Variants in CRIM1 observed in about 807,000 individuals in gnomAD.
CRIM1 encodes cysteine rich transmembrane BMP regulator 1, also known as cysteine-rich motor neuron 1 protein.
Under a neutral mutation model 116.4 loss-of-function variants are expected in CRIM1, and 32 were observed. That is an observed-to-expected ratio of 0.27 (90% confidence interval 0.21 to 0.37). CRIM1 has a LOEUF of 0.37. Ranked by LOEUF, CRIM1 falls within the 10% of genes least tolerant of loss-of-function variation. The pLI is 1.00. For missense variants in CRIM1, 1,331 were observed against 1,354.8 expected (o/e 0.98, Z 0.28); for synonymous variants, 590 against 509.2 (o/e 1.16, Z -2.13).
At chr2:36,428,813 A>G (rs1674651689) in intron 2 of CRIM1, among the ~76,000 whole-genome samples, 1 of 152,188 alleles carries the variant, frequency 6.6e-6, no homozygotes, top group Non-Finnish European at 1.5e-5. Context: ...GTCTTAGGAA[A>G]CTTGTTGCAG....
chr2:36,544,642 G>T lies in CRIM1; in HGVS notation c.2746+144G>T, dbSNP rs565525400. The stretch of plus-strand genomic sequence containing the variant: ...TAACTATTCCCGGGCAGACCTGCTT[G>T]GCTGAAACATATTTACACCACACAT... On this transcript the variant is annotated intron_variant, in intron 15 of 16. Coordinates refer to ENST00000280527, the MANE Select transcript of CRIM1 (RefSeq NM_016441.3). 1.8e-4 allele frequency: 154 copies of T among 851,792 alleles called. 1 individual carries two copies. The African/African-American group carries it at 2.4e-3, about 13-fold the overall frequency. 52.8% of individuals were successfully genotyped at this position (851,792 alleles called of 1,614,324 possible). A position where few individuals can be genotyped will look rare whatever the true frequency, so the allele number is the denominator to read the frequency against.
intron 2 of CRIM1, among the ~76,000 whole-genome samples, chr2:36,400,464 G>A (rs1041618329): frequency 6.6e-6 from 1 of 152,110 alleles, no homozygotes; most frequent in Non-Finnish European, 1.5e-5. Flanking sequence ...AGGTTCTGCA[G>A]GTAAATGCCA....
intron 5 of CRIM1, among the ~76,000 whole-genome samples, chr2:36,474,441 T>G (rs900703950): frequency 6.6e-6 from 1 of 152,238 alleles, no homozygotes; most frequent in Non-Finnish European, 1.5e-5. Flanking sequence ...CTAAGAGCAC[T>G]GTAGGTGTAG....
intron 12 of CRIM1, among the ~76,000 whole-genome samples, chr2:36,521,875 A>G (rs549308615): frequency 6.6e-6 from 1 of 152,350 alleles, no homozygotes; most frequent in Non-Finnish European, 1.5e-5. Context: ...TATATAAACA[A>G]CTAACAGAAT....
At chr2:36,431,148 G>T (rs1191819278) in intron 2 of CRIM1, among the ~76,000 whole-genome samples, 1 of 152,162 alleles carries the variant, frequency 6.6e-6, no homozygotes, top group African/African-American at 2.4e-5. Context: ...AGCATGGAGT[G>T]ATTACATCTG....
At chr2:36,546,331 T>C (rs1667327904) in intron 15 of CRIM1, among the ~76,000 whole-genome samples, 1 of 152,190 alleles carries the variant, frequency 6.6e-6, no homozygotes, top group South Asian at 2.1e-4. Context: ...ATAAAGGTCA[T>C]CATTCATAAG....
intron 7 of CRIM1, among the ~76,000 whole-genome samples, chr2:36,492,043 A>T (rs1558365032): frequency 6.6e-6 from 1 of 152,194 alleles, no homozygotes; most frequent in Non-Finnish European, 1.5e-5. Flanking sequence ...TCTTTTAATA[A>T]TCTCAATAAT....
intron 13 of CRIM1, chr2:36,529,080 C>T (rs559480899): frequency 1.9e-4 from 91 of 470,798 alleles, no homozygotes; most frequent in South Asian, 7.9e-4. Context: ...CTCTGCTGCA[C>T]GGAAGTTAGG....
intron 3 of CRIM1, among the ~76,000 whole-genome samples, chr2:36,442,007 C>T (rs997035159): frequency 3.9e-5 from 6 of 152,214 alleles, no homozygotes; most frequent in Non-Finnish European, 8.8e-5. Flanking sequence ...CATCTGCCCT[C>T]TTTACTTTAT....
intron 4 of CRIM1, among the ~76,000 whole-genome samples, chr2:36,464,125 C>T (rs764521855): frequency 2.6e-5 from 4 of 152,098 alleles, no homozygotes; most frequent in South Asian, 2.1e-4. Context: ...AACATGAGGC[C>T]ATTTAGCACG....
intron 8 of CRIM1, among the ~76,000 whole-genome samples, chr2:36,505,740 C>T (rs890281028): frequency 6.8e-6 from 1 of 146,138 alleles, no homozygotes; most frequent in Non-Finnish European, 1.5e-5. Context: ...GAAAGGTTAA[C>T]AAAAAACAAG....
intron 2 of CRIM1, among the ~76,000 whole-genome samples, chr2:36,420,119 CTGA>C (rs1012110231): frequency 6.6e-6 from 1 of 152,136 alleles, no homozygotes; most frequent in Non-Finnish European, 1.5e-5. Context: ...CTTTCTTCTT[CTGA>C]TATCTTCTCT....
At chr2:36,367,530 C>G (rs1306463990) in intron 1 of CRIM1, among the ~76,000 whole-genome samples, 3 of 152,194 alleles carry the variant, frequency 2.0e-5, no homozygotes, top group Non-Finnish European at 2.9e-5. Flanking sequence ...TTACCTACCT[C>G]AAGACAGGGG....
In CRIM1 at chr2:36,416,844, C is replaced by G. The variant is rs530818854; in HGVS notation, c.505+20057C>G. Among the ~76,000 whole-genome samples, 29 of 152,362 alleles carry G rather than the reference C, an allele frequency of 1.9e-4. No individual in the cohort carries two copies. In the South Asian group the frequency reaches 6.0e-3, roughly 32 times the overall value. On this transcript the variant is annotated intron_variant, in intron 2 of 16. Transcript: ENST00000280527. ...GAGCTTTCCTGATTAATGGGAGAAT[C>G]TGTTCTGTAGTCGAACAGCCTCTTT...
At chr2:36,523,121 A>C (rs909216934) in intron 13 of CRIM1, among the ~76,000 whole-genome samples, 16 of 151,992 alleles carry the variant, frequency 1.1e-4, no homozygotes, top group Admixed American at 5.9e-4. Flanking sequence ...CGCCTAGCTA[A>C]TTTTTGTATT....
intron 12 of CRIM1, among the ~76,000 whole-genome samples, chr2:36,520,159 C>G (rs1437802461): frequency 6.6e-6 from 1 of 152,186 alleles, no homozygotes; most frequent in Non-Finnish European, 1.5e-5. Flanking sequence ...CGGCTCCAGC[C>G]CTCACACCGT....
At chr2:36,407,038 G>A (rs1343221112) in intron 2 of CRIM1, among the ~76,000 whole-genome samples, 1 of 152,048 alleles carries the variant, frequency 6.6e-6, no homozygotes, top group Admixed American at 6.5e-5. Flanking sequence ...CTTCTGCGTG[G>A]GTCAGGGATC....
chr2:36,478,534 T>C (rs1483452261), intron 6 of CRIM1, among the ~76,000 whole-genome samples: 1 of 152,218 alleles, frequency 6.6e-6, no homozygotes, highest in Non-Finnish European at 1.5e-5. Flanking sequence ...CTTCTCTTGC[T>C]CAGGTCCATT....
chr2:36,494,662 T>C (rs1235843872), intron 7 of CRIM1, among the ~76,000 whole-genome samples: 1 of 152,158 alleles, frequency 6.6e-6, no homozygotes, highest in Non-Finnish European at 1.5e-5. Context: ...ACTCAGATGC[T>C]GAGTAGAAAA....
Sources: allele counts gnomAD v4.1 joint callset (sites outside exome capture counted in the v4.1 genomes callset), GRCh38; gene constraint gnomAD v4.1.1; transcripts MANE v1.5; gene names NCBI Gene and HGNC (gene_info 2026-07-23, HGNC 2026-07-21).